Variants in SMYD4 observed in about 807,000 individuals in gnomAD.
The protein encoded by SMYD4 is protein-lysine N-methyltransferase SMYD4.
A neutral mutation model predicts 72.8 loss-of-function variants in SMYD4; 68 were observed. The observed-to-expected ratio is 0.93, with a 90% confidence interval of 0.77 to 1.14. The LOEUF (loss-of-function observed/expected upper bound fraction) is 1.14, where lower values mean the gene tolerates loss of function less well. Among genes scored for constraint, SMYD4 ranks in the 50% most tolerant of loss-of-function variants. The pLI, the probability that SMYD4 is intolerant of heterozygous loss-of-function variation, is 0.00. For synonymous variants in SMYD4, 407 were observed against 388.6 expected (o/e 1.05, Z -0.56); for missense variants, 984 against 1,003.7 (o/e 0.98, Z 0.27).
At chr17:1,795,421 ATCT>A (rs1279490400) in intron 5 of SMYD4, among the ~76,000 whole-genome samples, 34 of 46,708 alleles carry the variant, frequency 7.3e-4, no homozygotes, top group Non-Finnish European at 1.7e-3. Context: ...CTATCTATCT[ATCT>A]ATCTATCTAT....
At chr17:1,794,581 T>C (rs1211923036) in intron 5 of SMYD4, among the ~76,000 whole-genome samples, 5 of 152,144 alleles carry the variant, frequency 3.3e-5, no homozygotes, top group African/African-American at 1.2e-4. Flanking sequence ...AACTAGATAA[T>C]TGATGGTTTA....
chr17:1,812,545 CTTTTTTTTTTTTTT>C (rs71150818), intron 2 of SMYD4, among the ~76,000 whole-genome samples: 1 of 63,702 alleles, frequency 1.6e-5, no homozygotes, highest in African/African-American at 6.0e-5. Context: ...AGCAGAATTT[CTTTTTTTTTTTTTT>C]TTTTTTTTTG....
At position 1,829,818 on chromosome 17, in the gene SMYD4, C is replaced by G. The variant is rs970550103; in HGVS notation, c.-105G>C. Reference sequence around the variant, plus strand: ...CCTGGTCTCCCTCCCAGCGCCCGCGCAGCTCCTGGCGCGCCCCTTGGCGCC... The same window carrying G: ...CCTGGTCTCCCTCCCAGCGCCCGCGGAGCTCCTGGCGCGCCCCTTGGCGCC... On this transcript the variant is annotated 5_prime_UTR_variant, in exon 1 of 11. Coordinates refer to ENST00000305513, the MANE Select transcript of SMYD4 (RefSeq NM_052928.3). The G allele has an allele frequency of 2.4e-4, 63 of 265,124 alleles. 1 individual carries two copies. The highest frequency in any genetic ancestry group is 3.5e-4 in the Non-Finnish European group (50 of 142,796). The allele number at this position is 265,124 out of a possible 1,614,324, so 16.4% of individuals were successfully genotyped here.
At chr17:1,813,563 A>G (rs1296275651) in intron 2 of SMYD4, among the ~76,000 whole-genome samples, 1 of 151,872 alleles carries the variant, frequency 6.6e-6, no homozygotes, top group African/African-American at 2.4e-5. Context: ...TAGGAGTGTG[A>G]GCCACCACGC....
At chr17:1,816,920 T>C (rs999658544) in intron 2 of SMYD4, among the ~76,000 whole-genome samples, 2 of 152,152 alleles carry the variant, frequency 1.3e-5, no homozygotes, top group African/African-American at 4.8e-5. Context: ...TTTTTTGTTA[T>C]TGAGTTGTAG....
chr17:1,793,437 G>T (rs1380164273), intron 5 of SMYD4, among the ~76,000 whole-genome samples: 1 of 150,910 alleles, frequency 6.6e-6, no homozygotes. Flanking sequence ...TGACTCACAT[G>T]ACTGCCTTTC....
At chr17:1,790,419 T>C (rs1390978757) in intron 5 of SMYD4, among the ~76,000 whole-genome samples, 1 of 152,234 alleles carries the variant, frequency 6.6e-6, no homozygotes, top group African/African-American at 2.4e-5. Flanking sequence ...TGTATGTAGT[T>C]CCTCAACCAA....
At chr17:1,820,224 C>T (rs1910822301) in intron 2 of SMYD4, among the ~76,000 whole-genome samples, 1 of 152,024 alleles carries the variant, frequency 6.6e-6, no homozygotes, top group South Asian at 2.1e-4. Context: ...ACAACCTCTT[C>T]AGACTGGTTC....
At chr17:1,808,223 C>T (rs1372980593) in intron 3 of SMYD4, among the ~76,000 whole-genome samples, 1 of 152,134 alleles carries the variant, frequency 6.6e-6, no homozygotes, top group Non-Finnish European at 1.5e-5. Flanking sequence ...GAACAATTTG[C>T]CAACATTAGG....
intron 5 of SMYD4, among the ~76,000 whole-genome samples, chr17:1,799,384 T>C (rs1400407682): frequency 6.6e-6 from 1 of 151,970 alleles, no homozygotes; most frequent in Admixed American, 6.6e-5. Flanking sequence ...TTTTTTTTTT[T>C]TTTGAGATGG....
intron 3 of SMYD4, among the ~76,000 whole-genome samples, chr17:1,811,566 CAAAGAT>C (rs1440980043): frequency 6.6e-6 from 1 of 152,188 alleles, no homozygotes; most frequent in Non-Finnish European, 1.5e-5. Flanking sequence ...AAATTATAGA[CAAAGAT>C]AACACTGGCT....
rs1244195482 is a variant in SMYD4, at chr17:1,781,363, C to T, written c.2338G>A (p.Asp780Asn). 4.3e-6 allele frequency: 7 copies of T among 1,613,958 alleles called. No individual in the cohort carries two copies. Among genetic ancestry groups the T allele is most frequent in the South Asian group, 2.2e-5 (2 of 91,072 alleles). The change falls in exon 11 of 11, where the codon GAT (aspartate) becomes AAT (asparagine). Residue 780 changes from aspartate (D) to asparagine (N), a missense_variant. By Grantham distance (23) the Asp-to-Asn change is conservative. Transcript: ENST00000305513. ...VLSLHCGPWD[D>N]EIQELQKMKS... Reference sequence around the variant, plus strand: ...ATCTTCTGGAGCTCCTGGATTTCATCGTCCCATGGGCCACAGTGCAGCGAC... The same window carrying T: ...ATCTTCTGGAGCTCCTGGATTTCATTGTCCCATGGGCCACAGTGCAGCGAC...
chr17:1,780,390 A>C lies in SMYD4; in HGVS notation c.*896T>G, dbSNP rs987512736. ...CCACCATGCTCGGTGAACTAAAAAA[A>C]CTTTTTTGTAGTGATACGGTCTCAC... On this transcript the variant is annotated 3_prime_UTR_variant, in exon 11 of 11. Coordinates refer to ENST00000305513, the MANE Select transcript of SMYD4 (RefSeq NM_052928.3). 9 of 152,114 alleles carry C rather than the reference A, an allele frequency of 5.9e-5. No homozygotes were observed. Among genetic ancestry groups the C allele is most frequent in the Admixed American group, 5.2e-4 (8 of 15,268 alleles). 9.4% of individuals were successfully genotyped at this position (152,114 alleles called of 1,614,324 possible).
intron 10 of SMYD4, 154 bp from the exon 11 acceptor site, chr17:1,781,593 C>T (rs974336124): frequency 5.3e-5 from 42 of 792,526 alleles, no homozygotes; most frequent in Non-Finnish European, 7.5e-5. Context: ...CACAAACACG[C>T]TGCAAAACAA....
intron 5 of SMYD4, among the ~76,000 whole-genome samples, chr17:1,792,737 T>C (rs73295061): frequency 0.019 from 2,935 of 152,188 alleles, 114 homozygotes; most frequent in African/African-American, 0.067. Flanking sequence ...AGAGTGACCG[T>C]TTTTACTTAT....
rs758960432 is a variant in SMYD4, at chr17:1,786,881, C to A, written c.1813G>T (p.Glu605Ter). 1.2e-6 allele frequency: 2 copies of A among 1,614,234 alleles called. No homozygotes were observed. Among genetic ancestry groups the A allele is most frequent in the East Asian group, 4.5e-5 (2 of 44,886 alleles). Residue 605 changes from glutamate to a stop codon, truncating the protein, a stop_gained, in exon 7 of 11, where the codon GAG becomes TAG. Coordinates refer to ENST00000305513, the MANE Select transcript of SMYD4 (RefSeq NM_052928.3). LOFTEE classifies it high-confidence loss of function. ...FDCACPACQT[E>*]AHRMAAGPRW... ...GGCCCTGCAGCCATCCTGTGTGCCT[C>A]AGTTTGACAAGCTGGACAGGCGCAG... is the stretch of plus-strand genomic sequence containing the variant.
In SMYD4 at chr17:1,781,246, C is replaced by T; in HGVS notation, c.*40G>A. ...AGCAAAACCTCTTTAACTTGTGTTC[C>T]ATGGGCTCCTTTTCTGTGGGTCAAA... On this transcript the variant is annotated 3_prime_UTR_variant, in exon 11 of 11. Coordinates refer to ENST00000305513, the MANE Select transcript of SMYD4 (RefSeq NM_052928.3). 1 of 1,596,646 alleles carries T rather than the reference C, an allele frequency of 6.3e-7. No homozygotes were observed. Among genetic ancestry groups the T allele is most frequent in the Non-Finnish European group, 8.5e-7 (1 of 1,174,044 alleles).
chr17:1,800,362 C>T lies in SMYD4; in HGVS notation c.1032G>A (p.Leu344=). ...TCAGGGCAATGTGGCAAAAGACACC[C>T]AGTGTGAGAAGCAGCCCTCCCAGAG... ...ECPLGGLLLT[L]GVFCHIALRL... is the part of the protein sequence containing the mutation. Residue 344 remains leucine (L), a synonymous_variant, in exon 5 of 11, where the codon CTG becomes CTA. Coordinates refer to ENST00000305513, the MANE Select transcript of SMYD4 (RefSeq NM_052928.3). The T allele has an allele frequency of 1.2e-6, 2 of 1,614,162 alleles. No individual in the cohort carries two copies. Among genetic ancestry groups the T allele is most frequent in the Non-Finnish European group, 1.7e-6 (2 of 1,180,036 alleles).
chr17:1,784,738 C>T (rs1386850547), intron 7 of SMYD4, among the ~76,000 whole-genome samples: 1 of 152,154 alleles, frequency 6.6e-6, no homozygotes, highest in African/African-American at 2.4e-5. Context: ...TATAGCCCCT[C>T]TTGTCGCTTT....
Sources: gnomAD v4.1 joint callset for allele counts (sites outside exome capture counted in the v4.1 genomes callset) on GRCh38, gnomAD v4.1.1 for gene constraint, MANE v1.5 for transcripts, NCBI Gene and HGNC (gene_info 2026-07-23, HGNC 2026-07-21) for gene names.